The following DNAJC15 variants were observed in gnomAD, a reference collection of about 807,000 sequenced individuals.
The protein encoded by DNAJC15 is dnaJ homolog subfamily C member 15.
DNAJC15 carries 27 observed loss-of-function variants against 22.4 expected under a neutral mutation model. The ratio of observed to expected loss-of-function variants is 1.20; its 90% CI spans 0.89 to 1.66. The LOEUF (loss-of-function observed/expected upper bound fraction) is 1.66, where lower values mean the gene tolerates loss of function less well. Ranked by LOEUF, DNAJC15 falls within the 40% of genes most tolerant of loss-of-function variation. DNAJC15 has a pLI of 0.00. For missense variants in DNAJC15, 208 were observed against 187.1 expected (o/e 1.11, Z -0.65); for synonymous variants, 79 against 63.2 (o/e 1.25, Z -1.19).
intron 1 of DNAJC15, among the ~76,000 whole-genome samples, chr13:43,048,720 G>T (rs2040489356): frequency 6.6e-6 from 1 of 152,038 alleles, no homozygotes; most frequent in African/African-American, 2.4e-5. Flanking sequence ...TTTTTTTGGT[G>T]GCATTTGTAA....
At chr13:43,050,879 A>G (rs1421719925) in intron 1 of DNAJC15, among the ~76,000 whole-genome samples, 1 of 152,170 alleles carries the variant, frequency 6.6e-6, no homozygotes, top group African/African-American at 2.4e-5. Context: ...GATAAGTAAG[A>G]TTTGATTGCT....
At chr13:43,035,971 C>G (rs1004850707) in intron 1 of DNAJC15, among the ~76,000 whole-genome samples, 1 of 152,056 alleles carries the variant, frequency 6.6e-6, no homozygotes, top group African/African-American at 2.4e-5. Context: ...AAGGGATTCT[C>G]CCACCTCTGC....
intron 3 of DNAJC15, 61 bp from the exon 4 acceptor site, chr13:43,078,548 AGAT>A: frequency 3.0e-6 from 4 of 1,314,746 alleles, no homozygotes; most frequent in Non-Finnish European, 4.3e-6. Context: ...CTACATGATG[AGAT>A]TGAGGTCATG....
At chr13:43,065,612 T>C in intron 1 of DNAJC15, 74 bp from the exon 2 acceptor site, 1 of 1,204,130 alleles carries the variant, frequency 8.3e-7, no homozygotes, top group Non-Finnish European at 1.2e-6. Flanking sequence ...GTAATTATTC[T>C]CATTATTAAA....
In DNAJC15 at chr13:43,109,481, T is replaced by C. The variant is rs2040814357; in HGVS notation, c.*2233T>C. 6.6e-6 allele frequency: 1 copy of C among 152,234 alleles called. No homozygotes were observed. The highest frequency in any genetic ancestry group is 1.5e-5 in the Non-Finnish European group (1 of 68,042). 9.4% of individuals were successfully genotyped at this position (152,234 alleles called of 1,614,324 possible). A position where few individuals can be genotyped will look rare whatever the true frequency, so the allele number is the denominator to read the frequency against. Reference sequence around the variant, plus strand: ...TTGGGGCACCCTCAGATGCACCTTTTAATTGATGTCATATTTTCCTAATCC... The same window carrying C: ...TTGGGGCACCCTCAGATGCACCTTTCAATTGATGTCATATTTTCCTAATCC... On this transcript the variant is annotated 3_prime_UTR_variant, in exon 6 of 6. Coordinates refer to ENST00000379221, the MANE Select transcript of DNAJC15 (RefSeq NM_013238.3).
At chr13:43,067,337 G>A (rs1303885636) in intron 2 of DNAJC15, among the ~76,000 whole-genome samples, 1 of 152,112 alleles carries the variant, frequency 6.6e-6, no homozygotes, top group African/African-American at 2.4e-5. Flanking sequence ...TTGTCATCAA[G>A]GTCTTATGTC....
intron 1 of DNAJC15, among the ~76,000 whole-genome samples, chr13:43,062,764 G>T (rs2040564877): frequency 6.6e-6 from 1 of 151,910 alleles, no homozygotes; most frequent in African/African-American, 2.4e-5. Flanking sequence ...TGTTGCCCAG[G>T]CTGGAGTGCA....
At chr13:43,029,845 G>T (rs1037370262) in intron 1 of DNAJC15, among the ~76,000 whole-genome samples, 1 of 152,080 alleles carries the variant, frequency 6.6e-6, no homozygotes, top group Non-Finnish European at 1.5e-5. Flanking sequence ...CGTTCTCTCA[G>T]TTCCCAACAT....
At position 43,109,960 on chromosome 13, in the gene DNAJC15, ACTT is replaced by A. The variant is rs1424485255; in HGVS notation, c.*2716_*2718del. The A allele has an allele frequency of 1.5e-4, 23 of 152,218 alleles. No individual in the cohort carries two copies. Among genetic ancestry groups the A allele is most frequent in the African/African-American group, 5.5e-4 (23 of 41,450 alleles). The allele number at this position is 152,218 out of a possible 1,614,324, so 9.4% of individuals were successfully genotyped here. A position where few individuals can be genotyped will look rare whatever the true frequency, so the allele number is the denominator to read the frequency against. ...AAATGCTTAAAAAAATGTAATTTTTACTTCTTTCACTGCCTCATTTAATTAGTT... is the reference window on the plus strand; with the variant it reads ...AAATGCTTAAAAAAATGTAATTTTTACTTTCACTGCCTCATTTAATTAGTT... On this transcript the variant is annotated 3_prime_UTR_variant, in exon 6 of 6. Coordinates refer to ENST00000379221, the MANE Select transcript of DNAJC15 (RefSeq NM_013238.3).
At chr13:43,083,011 T>A (rs926179074) in intron 4 of DNAJC15, among the ~76,000 whole-genome samples, 3 of 151,980 alleles carry the variant, frequency 2.0e-5, no homozygotes, top group Non-Finnish European at 4.4e-5. Context: ...AGCTCCCCCT[T>A]TTTTACTTTA....
intron 1 of DNAJC15, among the ~76,000 whole-genome samples, chr13:43,032,605 C>G (rs563723404): frequency 3.3e-4 from 50 of 152,308 alleles, no homozygotes; most frequent in African/African-American, 1.2e-3. Flanking sequence ...GAGCACATCA[C>G]TTGAGGCCAG....
chr13:43,088,182 CA>C (rs1399433004), intron 5 of DNAJC15, among the ~76,000 whole-genome samples: 1 of 152,096 alleles, frequency 6.6e-6, no homozygotes, highest in Non-Finnish European at 1.5e-5. Flanking sequence ...AAACAGAAAC[CA>C]AAAGTAAACA....
chr13:43,058,091 T>C (rs2040540308), intron 1 of DNAJC15, among the ~76,000 whole-genome samples: 1 of 152,234 alleles, frequency 6.6e-6, no homozygotes, highest in South Asian at 2.1e-4. Context: ...AGTTGTTACA[T>C]GGACAGACTC....
chr13:43,075,665 C>CT (rs1419816305), intron 3 of DNAJC15, among the ~76,000 whole-genome samples: 3 of 152,136 alleles, frequency 2.0e-5, no homozygotes, highest in Non-Finnish European at 4.4e-5. Context: ...CCCTATTCCT[C>CT]TAAGTCCCTC....
intron 1 of DNAJC15, among the ~76,000 whole-genome samples, chr13:43,059,510 G>A (rs915567764): frequency 2.0e-5 from 3 of 152,270 alleles, no homozygotes; most frequent in South Asian, 2.1e-4. Context: ...GATTACGGGC[G>A]TGCGCCACCA....
chr13:43,063,158 C>A (rs563945278), intron 1 of DNAJC15, among the ~76,000 whole-genome samples: 1 of 152,036 alleles, frequency 6.6e-6, no homozygotes, highest in Admixed American at 6.5e-5. Context: ...TACAGGCACA[C>A]GCTCCCATGC....
intron 4 of DNAJC15, among the ~76,000 whole-genome samples, chr13:43,079,426 A>T (rs1261012807): frequency 2.0e-5 from 3 of 152,184 alleles, no homozygotes; most frequent in African/African-American, 7.2e-5. Flanking sequence ...AAGCCAAAAC[A>T]TTTTATTATT....
intron 1 of DNAJC15, among the ~76,000 whole-genome samples, chr13:43,038,405 C>A (rs1169392905): frequency 1.3e-5 from 2 of 152,172 alleles, no homozygotes; most frequent in Non-Finnish European, 2.9e-5. Context: ...CACATGGCCC[C>A]ATCCAGAGGA....
At chr13:43,033,591 A>G (rs1192534817) in intron 1 of DNAJC15, among the ~76,000 whole-genome samples, 2 of 151,936 alleles carry the variant, frequency 1.3e-5, no homozygotes, top group East Asian at 3.9e-4. Flanking sequence ...AGTTTTTCAG[A>G]CTTGCTTTAT....
Sources: gnomAD v4.1 joint callset for allele counts (sites outside exome capture counted in the v4.1 genomes callset) on GRCh38, gnomAD v4.1.1 for gene constraint, MANE v1.5 for transcripts, NCBI Gene and HGNC (gene_info 2026-07-23, HGNC 2026-07-21) for gene names.